Variants in RTN4R observed in about 807,000 individuals in gnomAD.
The protein encoded by RTN4R is reticulon-4 receptor.
RTN4R carries 4 observed loss-of-function variants against 27.7 expected under a neutral mutation model. That is an observed-to-expected ratio of 0.14 (90% CI 0.07 to 0.33). The LOEUF (loss-of-function observed/expected upper bound fraction) is 0.33, where lower values mean the gene tolerates loss of function less well. Ranked by LOEUF, RTN4R falls within the 10% of genes least tolerant of loss-of-function variation. The probability of loss-of-function intolerance (pLI) is 1.00; values close to 1 mark genes in which losing one functional copy is unlikely to be tolerated. For synonymous variants in RTN4R, 290 were observed against 305.6 expected (o/e 0.95, Z 0.53); for missense variants, 554 against 671.5 (o/e 0.83, Z 1.93).
chr22:20,245,666 C>T (rs1040984017), intron 1 of RTN4R, among the ~76,000 whole-genome samples: 5 of 152,200 alleles, frequency 3.3e-5, no homozygotes, highest in African/African-American at 1.2e-4. Context: ...GCCTCTCTGG[C>T]CCTCTCGCCC....
intron 1 of RTN4R, among the ~76,000 whole-genome samples, chr22:20,252,501 C>T (rs1233536782): frequency 6.6e-6 from 1 of 152,204 alleles, no homozygotes; most frequent in African/African-American, 2.4e-5. Flanking sequence ...CAACCCACTC[C>T]TCAGATGAGG....
chr22:20,249,305 CA>C (rs897226871), intron 1 of RTN4R: 3 of 483,100 alleles, frequency 6.2e-6, no homozygotes, highest in African/African-American at 5.9e-5. Flanking sequence ...ACCTGCCTCC[CA>C]TGCCCATCTG....
intron 1 of RTN4R, among the ~76,000 whole-genome samples, chr22:20,257,159 G>A (rs2051216678): frequency 6.6e-6 from 1 of 152,254 alleles, no homozygotes; most frequent in Non-Finnish European, 1.5e-5. Context: ...TCCAGCCCTG[G>A]GAGAGAGCCT....
At chr22:20,251,052 G>T (rs2051173915) in intron 1 of RTN4R, among the ~76,000 whole-genome samples, 1 of 152,158 alleles carries the variant, frequency 6.6e-6, no homozygotes, top group South Asian at 2.1e-4. Flanking sequence ...TGGGGACAGG[G>T]CCCCTCCATG....
At chr22:20,253,524 T>C (rs1410195010) in intron 1 of RTN4R, among the ~76,000 whole-genome samples, 20 of 152,122 alleles carry the variant, frequency 1.3e-4, no homozygotes, top group Admixed American at 1.2e-3. Context: ...GTTCCACCAC[T>C]GGTATCCAGG....
At chr22:20,264,776 T>C (rs2051267703) in intron 1 of RTN4R, among the ~76,000 whole-genome samples, 1 of 152,144 alleles carries the variant, frequency 6.6e-6, no homozygotes, top group East Asian at 1.9e-4. Context: ...CCGCAGACCC[T>C]GAGGCCCAGG....
At chr22:20,267,240 A>T (rs2051283082) in intron 1 of RTN4R, among the ~76,000 whole-genome samples, 1 of 152,230 alleles carries the variant, frequency 6.6e-6, no homozygotes, top group African/African-American at 2.4e-5. Context: ...AGACAAGTGC[A>T]CGTGCAAGGA....
In RTN4R at chr22:20,242,773, A is replaced by G. The variant is rs772161141; in HGVS notation, c.360T>C (p.Ser120=). 1 of 1,612,798 alleles carries G rather than the reference A, an allele frequency of 6.2e-7. No individual in the cohort carries two copies. The highest frequency in any genetic ancestry group is 8.5e-7 in the Non-Finnish European group (1 of 1,179,786). ...GGCCGTGGAATGTGGCAGGGTCCAC[A>G]GACCGGAGCTGTGCATTATCGCTGA... ...LDLSDNAQLR[S]VDPATFHGLG... is the part of the protein sequence containing the mutation. The change falls in exon 2 of 2, where the codon TCT becomes TCC. Residue 120 remains serine, a synonymous_variant. Transcript: ENST00000043402.
chr22:20,248,276 C>A (rs2051154114), intron 1 of RTN4R, among the ~76,000 whole-genome samples: 1 of 152,216 alleles, frequency 6.6e-6, no homozygotes, highest in Non-Finnish European at 1.5e-5. Context: ...GAAGCCACAG[C>A]CCCAGGGCTA....
chr22:20,268,015 C>G (rs1465902712), intron 1 of RTN4R, 56 bp downstream of exon 1: 12 of 1,056,328 alleles, frequency 1.1e-5, no homozygotes, highest in Non-Finnish European at 1.3e-5. Flanking sequence ...AGGGGGCGAG[C>G]CGCCCCCCTC....
chr22:20,246,605 A>G (rs1036446446), intron 1 of RTN4R, among the ~76,000 whole-genome samples: 22 of 152,124 alleles, frequency 1.4e-4, no homozygotes, highest in Non-Finnish European at 3.2e-4. Context: ...CAGCCCAGGG[A>G]GCTGAGCCGA....
At chr22:20,262,432 T>A (rs1366489992) in intron 1 of RTN4R, among the ~76,000 whole-genome samples, 1 of 152,148 alleles carries the variant, frequency 6.6e-6, no homozygotes, top group East Asian at 1.9e-4. Context: ...GAATGACATC[T>A]GGCATGTGGC....
rs111408637 is a variant in RTN4R at position 20,242,038 on chromosome 22, G to A, written c.1095C>T (p.Pro365=). The A allele has an allele frequency of 3.9e-5, 63 of 1,612,084 alleles. No homozygotes were observed. The highest frequency in any genetic ancestry group is 2.8e-4 in the African/African-American group (21 of 75,048). Residue 365 remains proline (P), a synonymous_variant, in exon 2 of 2, where the codon CCC becomes CCT. Transcript: ENST00000043402. ...AGCCGTTGCCCGGCGGGCTGTCACC[G>A]GGCGGCACGCGTCCCTTCAGCGCAT... ...AGNALKGRVP[P]GDSPPGNGSG...
In RTN4R at chr22:20,243,395, G is replaced by A. The variant is rs1003656957; in HGVS notation, c.23-285C>T. ...CCAGGAGCAGCCCACTGGGTCACCA[G>A]GGGCACTCACTTGAAGGCCTCCTGG... On this transcript the variant is annotated intron_variant, in intron 1 of 1. Transcript: ENST00000043402. 8 of 675,114 alleles carry A rather than the reference G, an allele frequency of 1.2e-5. No individual in the cohort carries two copies. The Admixed American group carries it at 1.2e-4, about 10-fold the overall frequency. The allele number at this position is 675,114 out of a possible 1,614,324, so 41.8% of individuals were successfully genotyped here. A position where few individuals can be genotyped will look rare whatever the true frequency, so the allele number is the denominator to read the frequency against.
intron 1 of RTN4R, among the ~76,000 whole-genome samples, chr22:20,247,144 G>A (rs1031608473): frequency 2.0e-5 from 3 of 152,140 alleles, no homozygotes; most frequent in African/African-American, 4.8e-5. Context: ...GGCCGGGAGG[G>A]GAATCTCCAG....
intron 1 of RTN4R, among the ~76,000 whole-genome samples, chr22:20,263,609 G>A (rs905482386): frequency 3.3e-5 from 5 of 152,342 alleles, no homozygotes; most frequent in East Asian, 1.9e-4. Context: ...GTCAGCACCC[G>A]ACACCTCACT....
intron 1 of RTN4R, chr22:20,249,095 A>G (rs372672238): frequency 2.6e-4 from 139 of 532,992 alleles, no homozygotes; most frequent in African/African-American, 2.5e-3. Context: ...CTCCACCAGG[A>G]GCCAACAAAC....
intron 1 of RTN4R, among the ~76,000 whole-genome samples, chr22:20,248,162 A>C (rs114199362): frequency 0.025 from 3,859 of 152,326 alleles, 187 homozygotes; most frequent in African/African-American, 0.088. Flanking sequence ...ACACAATCCA[A>C]GGTCAAATCC....
chr22:20,260,210 C>A (rs376981753), intron 1 of RTN4R, among the ~76,000 whole-genome samples: 2 of 152,234 alleles, frequency 1.3e-5, no homozygotes, highest in Admixed American at 6.5e-5. Context: ...CTGTAGCCCC[C>A]ACGGGAGCCC....
Sources: allele counts gnomAD v4.1 joint callset (sites outside exome capture counted in the v4.1 genomes callset), GRCh38; gene constraint gnomAD v4.1.1; transcripts MANE v1.5; gene names NCBI Gene and HGNC (gene_info 2026-07-23, HGNC 2026-07-21).